Variants in DGCR8 observed in about 807,000 individuals in gnomAD.
DGCR8 encodes the protein DGCR8 microprocessor complex subunit, also known as microprocessor complex subunit DGCR8.
Under a neutral mutation model 78.5 loss-of-function variants are expected in DGCR8, and 14 were observed. The ratio of observed to expected loss-of-function variants is 0.18; its 90% CI spans 0.12 to 0.28. The LOEUF is 0.28. Among genes scored for constraint, DGCR8 ranks in the 10% least tolerant of loss-of-function variants. DGCR8 has a pLI of 1.00. For missense variants in DGCR8, 702 were observed against 1,022.5 expected (o/e 0.69, Z 4.28); for synonymous variants, 399 against 402.4 (o/e 0.99, Z 0.10).
chr22:20,100,247 A>G, intron 9 of DGCR8: 24 of 612,594 alleles, frequency 3.9e-5, no homozygotes, highest in Non-Finnish European at 4.9e-5. Flanking sequence ...TTGTATTTTT[A>G]GTAGAGATGG....
chr22:20,095,671 T>G (rs1280769498), intron 9 of DGCR8, among the ~76,000 whole-genome samples: 1 of 152,162 alleles, frequency 6.6e-6, no homozygotes, highest in Admixed American at 6.5e-5. Context: ...ACAGACGGTG[T>G]TGGGGGGCGG....
At position 20,085,775 on chromosome 22, in the gene DGCR8, T is replaced by C; in HGVS notation, c.-189T>C. The C allele has an allele frequency of 7.0e-7, 1 of 1,431,184 alleles. No homozygotes were observed. The highest frequency in any genetic ancestry group is 9.1e-7 in the Non-Finnish European group (1 of 1,099,332). The allele number at this position is 1,431,184 out of a possible 1,614,324, so 88.7% of individuals were successfully genotyped here. ...CTGAGTGCATTGTGATTTCCAATAA[T>C]TGAGGCAGTGGTTCTAAAAGCTGTC... On this transcript the variant is annotated 5_prime_UTR_variant, in exon 2 of 14. Coordinates refer to ENST00000351989, the MANE Select transcript of DGCR8 (RefSeq NM_022720.7). The surrounding 1 kb of genome is among the most constrained non-coding windows in gnomAD (Gnocchi z 6.2).
intron 9 of DGCR8, chr22:20,102,038 G>C: frequency 1.0e-6 from 1 of 984,192 alleles, no homozygotes; most frequent in Non-Finnish European, 1.2e-6. Flanking sequence ...TGGGTTGGTG[G>C]TTCATGGCTA....
Position 20,086,792 on chromosome 22 carries a change from A to C in DGCR8, c.720+109A>C. On this transcript the variant is annotated intron_variant, in intron 2 of 13. Transcript: ENST00000351989. The surrounding 1 kb of genome is among the most constrained non-coding windows in gnomAD (Gnocchi z 6.4). ...GAAATTAAAAAAAAAAAAAACAAAA[A>C]CCAAAATCCCCTCTGAGGTGGAATA... 7.2e-6 allele frequency: 9 copies of C among 1,243,706 alleles called. No individual in the cohort carries two copies. The highest frequency in any genetic ancestry group is 1.5e-5 in the South Asian group (1 of 66,856). The allele number at this position is 1,243,706 out of a possible 1,614,324, so 77.0% of individuals were successfully genotyped here.
At position 20,086,768 on chromosome 22, in the gene DGCR8, A is replaced by C; in HGVS notation, c.720+85A>C. The C allele has an allele frequency of 2.8e-6, 4 of 1,420,714 alleles. No individual in the cohort carries two copies. The South Asian group carries it at 5.7e-5, about 20-fold the overall frequency. 88.0% of individuals were successfully genotyped at this position (1,420,714 alleles called of 1,614,324 possible). A position where few individuals can be genotyped will look rare whatever the true frequency, so the allele number is the denominator to read the frequency against. On this transcript the variant is annotated intron_variant, in intron 2 of 13. Transcript: ENST00000351989. The surrounding 1 kb of genome is among the most constrained non-coding windows in gnomAD (Gnocchi z 6.4). ...ATTGCAGCATCTTTTGAAAGCAGGG[A>C]AATTAAAAAAAAAAAAAACAAAAAC...
intron 12 of DGCR8, 197 bp from the exon 13 acceptor site, chr22:20,108,693 G>A: frequency 4.4e-6 from 2 of 450,102 alleles, no homozygotes; most frequent in Non-Finnish European, 8.3e-6. Flanking sequence ...CTCGCTCTCT[G>A]CTGCTGTCAG....
rs2049492519 is a variant in DGCR8, at chr22:20,086,959, T to C, written c.721-203T>C. The C allele has an allele frequency of 3.9e-6, 3 of 761,542 alleles. No individual in the cohort carries two copies. The South Asian group carries it at 5.7e-5, about 14-fold the overall frequency. 47.2% of individuals were successfully genotyped at this position (761,542 alleles called of 1,614,324 possible). On this transcript the variant is annotated intron_variant, in intron 2 of 13. Coordinates refer to ENST00000351989, the MANE Select transcript of DGCR8 (RefSeq NM_022720.7). The surrounding 1 kb of genome is among the most constrained non-coding windows in gnomAD (Gnocchi z 6.4). ...GCTGCTGAGTTACGCTCCTTGGCAG[T>C]GTGTGCCCCTGGACCAGGTGTGTTG...
chr22:20,102,097 T>C (rs2147935218), intron 9 of DGCR8: 1 of 977,366 alleles, frequency 1.0e-6, no homozygotes, highest in South Asian at 4.7e-5. Flanking sequence ...TTTTTTCATC[T>C]TATTTTAAAA....
intron 3 of DGCR8, among the ~76,000 whole-genome samples, chr22:20,088,300 G>A (rs2049513551): frequency 6.6e-6 from 1 of 152,140 alleles, no homozygotes; most frequent in Non-Finnish European, 1.5e-5. Flanking sequence ...TTGACCTCGG[G>A]GCCTCTAGGA....
In DGCR8 at chr22:20,087,391, TG is replaced by T; in HGVS notation, c.880+71del. The T allele has an allele frequency of 2.0e-6, 3 of 1,517,250 alleles. No homozygotes were observed. The highest frequency in any genetic ancestry group is 1.8e-6 in the Non-Finnish European group (2 of 1,125,128). 94.0% of individuals were successfully genotyped at this position (1,517,250 alleles called of 1,614,324 possible). ...GGGGTGGTTGCTTCCTTAGCAGAAATGCTTTGAGAGAGCTCTGGTGCCAGGT... is the reference window on the plus strand; with the variant it reads ...GGGGTGGTTGCTTCCTTAGCAGAAATCTTTGAGAGAGCTCTGGTGCCAGGT... On this transcript the variant is annotated intron_variant, in intron 3 of 13. Coordinates refer to ENST00000351989, the MANE Select transcript of DGCR8 (RefSeq NM_022720.7). This position sits in a 1 kb window ranked among gnomAD's most constrained non-coding sequence, Gnocchi z 4.1.
At chr22:20,102,421 G>A (rs374565473) in intron 9 of DGCR8, among the ~76,000 whole-genome samples, 1 of 152,158 alleles carries the variant, frequency 6.6e-6, no homozygotes, top group Non-Finnish European at 1.5e-5. Context: ...AGGTGGCTGT[G>A]CCCCTCAGTG....
chr22:20,084,301 T>A (rs1297173014), intron 1 of DGCR8, among the ~76,000 whole-genome samples: 1 of 152,242 alleles, frequency 6.6e-6, no homozygotes, highest in Non-Finnish European at 1.5e-5. Context: ...GCGGTTTGCA[T>A]GTGTGCATCT....
At chr22:20,098,374 G>T (rs935496736) in intron 9 of DGCR8, among the ~76,000 whole-genome samples, 1 of 152,136 alleles carries the variant, frequency 6.6e-6, no homozygotes, top group Non-Finnish European at 1.5e-5. Flanking sequence ...GGTAAGTCCA[G>T]TTCTCAGAGA....
intron 12 of DGCR8, chr22:20,108,193 G>C (rs1224214259): frequency 2.0e-5 from 3 of 152,566 alleles, no homozygotes; most frequent in Non-Finnish European, 2.9e-5. Flanking sequence ...CGGGCCACCA[G>C]GGCATGTTAA....
intron 1 of DGCR8, 94 bp downstream of exon 1, chr22:20,080,477 C>T (rs946873576): frequency 2.0e-6 from 2 of 983,540 alleles, no homozygotes; most frequent in East Asian, 2.3e-4. Flanking sequence ...CCCTCCGGGA[C>T]CGAGGCCGCG....
Position 20,085,081 on chromosome 22 carries a change from G to A in DGCR8, c.-277-606G>A, listed in dbSNP as rs915610667. On this transcript the variant is annotated intron_variant, in intron 1 of 13. Transcript: ENST00000351989. The surrounding 1 kb of genome is among the most constrained non-coding windows in gnomAD (Gnocchi z 6.2). ...CCACCCCTCTCCTCCATCGGGAACAGAACTATGCTGCCACCTCTGGTGACC... is the reference window on the plus strand; with the variant it reads ...CCACCCCTCTCCTCCATCGGGAACAAAACTATGCTGCCACCTCTGGTGACC... 1 of 967,728 alleles carries A rather than the reference G, an allele frequency of 1.0e-6. No homozygotes were observed. The highest frequency in any genetic ancestry group is 1.2e-6 in the Non-Finnish European group (1 of 813,984). 59.9% of individuals were successfully genotyped at this position (967,728 alleles called of 1,614,324 possible).
rs140543646 is a variant in DGCR8 at position 20,090,164 on chromosome 22, C to A, written c.1212C>A (p.Pro404=). 13 of 1,614,206 alleles carry A rather than the reference C, an allele frequency of 8.1e-6. No individual in the cohort carries two copies. Among genetic ancestry groups the A allele is most frequent in the Non-Finnish European group, 8.5e-6 (10 of 1,180,032 alleles). Residue 404 remains proline (P), a synonymous_variant, in exon 5 of 14, where the codon CCC becomes CCA. Transcript: ENST00000351989. ...ACTCTATGGGTGCTGACCCGGGGCC[C>A]CCGGACGAGAAAGACCCACTAGGGG... ...EPDSMGADPG[P]PDEKDPLGAE...
chr22:20,109,297 G>A (rs1264417145), intron 13 of DGCR8: 2 of 349,590 alleles, frequency 5.7e-6, no homozygotes, highest in East Asian at 1.4e-4. Flanking sequence ...GGTGTTTGGA[G>A]GTAGGTCAGT....
chr22:20,094,847 C>T (rs2049609633), intron 9 of DGCR8, 52 bp downstream of exon 9: 1 of 1,529,884 alleles, frequency 6.5e-7, no homozygotes, highest in Non-Finnish European at 9.1e-7. Context: ...GTGCGGCTAC[C>T]CTGCCCTGTT....
Sources: allele counts gnomAD v4.1 joint callset (sites outside exome capture counted in the v4.1 genomes callset), GRCh38; gene constraint gnomAD v4.1.1; non-coding constraint Gnocchi (gnomAD v3.1); transcripts MANE v1.5; gene names NCBI Gene and HGNC (gene_info 2026-07-23, HGNC 2026-07-21).